EIF2AK1: variants seen among roughly 807,000 people sequenced by gnomAD.
EIF2AK1 encodes eukaryotic translation initiation factor 2 alpha kinase 1.
A neutral mutation model predicts 77.9 loss-of-function variants in EIF2AK1; 54 were observed. The observed-to-expected ratio is 0.69, with a 90% CI of 0.56 to 0.87. EIF2AK1 has a LOEUF of 0.87. Ranked by LOEUF, EIF2AK1 falls within the 40% of genes least tolerant of loss-of-function variation. The pLI is 0.00. For missense variants in EIF2AK1, 810 were observed against 768.6 expected, an observed-to-expected ratio of 1.05 and a Z score of -0.64; for synonymous variants, 314 against 290.5, an observed-to-expected ratio of 1.08 and a Z score of -0.82.
At chr7:6,043,473 G>C (rs1788353187) in intron 7 of EIF2AK1, among the ~76,000 whole-genome samples, 1 of 151,866 alleles carries the variant, frequency 6.6e-6, no homozygotes, top group African/African-American at 2.4e-5. Flanking sequence ...CTGTTGCCCA[G>C]GGTGGAATGC....
intron 1 of EIF2AK1, chr7:6,058,098 T>C: frequency 2.2e-6 from 1 of 455,678 alleles, no homozygotes; most frequent in South Asian, 1.5e-5. Flanking sequence ...CCGTATCTCC[T>C]AGTAAACAAA....
chr7:6,039,791 G>C (rs1183523285), intron 9 of EIF2AK1, among the ~76,000 whole-genome samples: 1 of 150,970 alleles, frequency 6.6e-6, no homozygotes, highest in African/African-American at 2.4e-5. Flanking sequence ...AAAAAAATTA[G>C]CTGGGCGTGG....
chr7:6,031,481 A>G (rs1787910150), intron 11 of EIF2AK1: 2 of 1,550,760 alleles, frequency 1.3e-6, no homozygotes, highest in Non-Finnish European at 1.7e-6. Flanking sequence ...CTATGAAGCC[A>G]TCATGAGAGA....
At chr7:6,031,609 C>T (rs1562743384) in intron 11 of EIF2AK1, 11 of 1,549,678 alleles carry the variant, frequency 7.1e-6, no homozygotes, top group Non-Finnish European at 8.7e-6. Context: ...CTTTTCTGCT[C>T]AGTCACTTCT....
chr7:6,047,215 G>T, intron 4 of EIF2AK1, 124 bp from the exon 5 acceptor site: 2 of 1,019,138 alleles, frequency 2.0e-6, no homozygotes, highest in South Asian at 1.3e-5. Context: ...TGCTGATTTG[G>T]AAAGGATGGG....
rs1040281913 is a variant in EIF2AK1, at chr7:6,032,002, C to T, written c.1333-2970G>A. Among the ~76,000 whole-genome samples the T allele has an allele frequency of 3.9e-5, 6 of 152,050 alleles. No individual in the cohort carries two copies. The highest frequency in any genetic ancestry group is 6.6e-5 in the Admixed American group (1 of 15,248). On this transcript the variant is annotated intron_variant, in intron 11 of 14. Transcript: ENST00000199389. This position sits in a 1 kb window ranked among gnomAD's most constrained non-coding sequence, Gnocchi z 4.3. ...CAGCCTGGCCAGCAGGGCAAAACCC[C>T]GTCTCTACTAAAAATACAAAAATTA...
chr7:6,033,327 A>C lies in EIF2AK1; in HGVS notation c.1332+4097T>G, dbSNP rs1487932775. 6.6e-6 allele frequency among the ~76,000 whole-genome samples: 1 copy of C among 152,082 alleles called. No homozygotes were observed. Among genetic ancestry groups the C allele is most frequent in the Non-Finnish European group, 1.5e-5 (1 of 67,996 alleles). On this transcript the variant is annotated intron_variant, in intron 11 of 14. Transcript: ENST00000199389. The surrounding 1 kb of genome is among the most constrained non-coding windows in gnomAD (Gnocchi z 4.4). ...CTGATATAGATTTTTTTTTCAGTTC[A>C]TACATTTTTTCCACTTATGTTTGGA...
chr7:6,046,994 T>C lies in EIF2AK1; in HGVS notation c.547A>G (p.Lys183Glu), dbSNP rs1488737500. The change falls in exon 5 of 15, where the codon AAG becomes GAG. Residue 183 changes from lysine (K) to glutamate (E), a missense_variant and splice_region_variant. By Grantham distance (56) the Lys-to-Glu change is moderately conservative (BLOSUM62 1). Around this residue, in one of 3 missense-constraint regions of EIF2AK1, gnomAD observed 15 missense variants for 35.9 expected, o/e 0.42. Transcript: ENST00000199389. Reference sequence around the variant, plus strand: ...AAAACAAGTACGTGGAAGACAACCTTGTATACTCTTCCGTATCCACCTTTT... The same window carrying C: ...AAAACAAGTACGTGGAAGACAACCTCGTATACTCTTCCGTATCCACCTTTT... Reference protein sequence around the residue: ...LGKGGYGRVYKVRNKLDGQYY... With the variant: ...LGKGGYGRVYEVRNKLDGQYY... 6.2e-7 allele frequency: 1 copy of C among 1,610,664 alleles called. No homozygotes were observed. Among genetic ancestry groups the C allele is most frequent in the Non-Finnish European group, 8.5e-7 (1 of 1,178,500 alleles).
chr7:6,054,854 G>C (rs1478406720), intron 1 of EIF2AK1, 150 bp from the exon 2 acceptor site: 18 of 830,776 alleles, frequency 2.2e-5, no homozygotes, highest in Non-Finnish European at 3.1e-5. Flanking sequence ...GGTTAATCAA[G>C]AAAGGCTTTC....
chr7:6,026,586 GAACAAACA>G (rs1267726813), intron 14 of EIF2AK1, 134 bp downstream of exon 14: 1 of 743,794 alleles, frequency 1.3e-6, no homozygotes, highest in Non-Finnish European at 2.4e-6. Flanking sequence ...AAGTGGACGA[GAACAAACA>G]GGCCCCGCCT....
intron 7 of EIF2AK1, 27 bp from the exon 8 acceptor site, chr7:6,043,020 T>G (rs758147771): frequency 1.3e-5 from 21 of 1,610,998 alleles, no homozygotes; most frequent in Non-Finnish European, 1.7e-5. Context: ...AACAATCATC[T>G]TCAAACAGCC....
intron 1 of EIF2AK1, among the ~76,000 whole-genome samples, chr7:6,055,695 AC>A (rs1254830347): frequency 6.3e-5 from 9 of 143,634 alleles, no homozygotes; most frequent in South Asian, 4.4e-4. Context: ...AAAAAAAAAA[AC>A]CTAGCTGGGC....
At chr7:6,046,968 C>A (rs747604410) in intron 5 of EIF2AK1, 24 bp downstream of exon 5, 9 of 1,565,566 alleles carry the variant, frequency 5.7e-6, no homozygotes, top group South Asian at 1.2e-5. Flanking sequence ...GGTAGTAGGT[C>A]AAAACAAGTA....
At position 6,040,999 on chromosome 7, in the gene EIF2AK1, T is replaced by C. The variant is rs144096212; in HGVS notation, c.1012A>G (p.Ile338Val). 1.1e-4 allele frequency: 183 copies of C among 1,614,180 alleles called. No homozygotes were observed. The highest frequency in any genetic ancestry group is 1.8e-4 in the East Asian group (8 of 44,884). ...NGLAGLSASS[I>V]VEQQLPLRRN... ...CTGAGTGGCAGCTGCTGTTCCACAA[T>C]TGAACTGGCAGACAAACCAGCCAAG... The change falls in exon 9 of 15, where the codon ATT becomes GTT. Residue 338 changes from isoleucine (I) to valine (V), a missense_variant. Transcript: ENST00000199389.
At position 6,036,899 on chromosome 7, in the gene EIF2AK1, G is replaced by A. The variant is rs1788115995; in HGVS notation, c.1332+525C>T. Among the ~76,000 whole-genome samples the A allele has an allele frequency of 6.6e-6, 1 of 152,058 alleles. No homozygotes were observed. The highest frequency in any genetic ancestry group is 1.5e-5 in the Non-Finnish European group (1 of 67,992). On this transcript the variant is annotated intron_variant, in intron 11 of 14. Coordinates refer to ENST00000199389, the MANE Select transcript of EIF2AK1 (RefSeq NM_014413.4). This position sits in a 1 kb window ranked among gnomAD's most constrained non-coding sequence, Gnocchi z 4.6. The stretch of plus-strand genomic sequence containing the variant: ...TGAAAAAAAGTACTTATACTCCACA[G>A]AGGATTTTCAAATGCCCCAAAATTA...
chr7:6,057,479 T>C (rs915709582), intron 1 of EIF2AK1: 2 of 151,748 alleles, frequency 1.3e-5, no homozygotes, highest in Non-Finnish European at 2.9e-5. Flanking sequence ...AATTACCATA[T>C]AGTTAAAATC....
chr7:6,027,007 A>AAAC lies in EIF2AK1; in HGVS notation c.1531-47_1531-46insGTT, dbSNP rs1787767104. ...GAACTCAGTAGTGAAATACAAAGTT[A>AAAC]GAAGAACGTTTCCATTTCCGTGTTC... On this transcript the variant is annotated intron_variant, in intron 13 of 14. Coordinates refer to ENST00000199389, the MANE Select transcript of EIF2AK1 (RefSeq NM_014413.4). The surrounding 1 kb of genome is among the most constrained non-coding windows in gnomAD (Gnocchi z 4.5). 6.6e-7 allele frequency: 1 copy of AAAC among 1,504,148 alleles called. No individual in the cohort carries two copies. Among genetic ancestry groups the AAAC allele is most frequent in the South Asian group, 1.1e-5 (1 of 88,716 alleles). The allele number at this position is 1,504,148 out of a possible 1,614,324, so 93.2% of individuals were successfully genotyped here.
intron 1 of EIF2AK1, among the ~76,000 whole-genome samples, chr7:6,056,651 A>G (rs1410059028): frequency 2.5e-5 from 3 of 121,674 alleles, no homozygotes; most frequent in African/African-American, 9.7e-5. Context: ...CTGTCTGGAC[A>G]TTCTGGGCCT....
At chr7:6,037,166 G>A (rs903815953) in intron 11 of EIF2AK1, among the ~76,000 whole-genome samples, 2 of 152,032 alleles carry the variant, frequency 1.3e-5, no homozygotes, top group Non-Finnish European at 2.9e-5. Flanking sequence ...GGGAGTTGGA[G>A]GCTGCAGTGA....
Sources: allele counts gnomAD v4.1 joint callset (sites outside exome capture counted in the v4.1 genomes callset), GRCh38; gene constraint gnomAD v4.1.1; regional missense constraint gnomAD v4.1.1; non-coding constraint Gnocchi (gnomAD v3.1); transcripts MANE v1.5; gene names NCBI Gene and HGNC (gene_info 2026-07-23, HGNC 2026-07-21).